The following ABLIM2 variants were observed in gnomAD, a reference collection of about 807,000 sequenced individuals.
The protein encoded by ABLIM2 is actin-binding LIM protein 2.
In ABLIM2, 53 loss-of-function variants were observed where a neutral mutation model predicts 97.7. The ratio of observed to expected loss-of-function variants is 0.54; its 90% confidence interval spans 0.44 to 0.68. The LOEUF is 0.68. Ranked by LOEUF, ABLIM2 falls within the 30% of genes least tolerant of loss-of-function variation. The pLI, the probability that ABLIM2 is intolerant of heterozygous loss-of-function variation, is 0.00. For missense variants in ABLIM2, 835 were observed against 867.2 expected (o/e 0.96, Z 0.47); for synonymous variants, 361 against 345.8 (o/e 1.04, Z -0.49).
chr4:8,006,260 G>A (rs1761223983), intron 16 of ABLIM2, among the ~76,000 whole-genome samples: 1 of 152,186 alleles, frequency 6.6e-6, no homozygotes, highest in Non-Finnish European at 1.5e-5. Flanking sequence ...CTCTAGTCCG[G>A]CTTCTCCCAC....
At chr4:8,136,667 C>T (rs564945707) in intron 1 of ABLIM2, among the ~76,000 whole-genome samples, 2 of 152,324 alleles carry the variant, frequency 1.3e-5, no homozygotes, top group South Asian at 4.1e-4. Flanking sequence ...GCCAACAGCA[C>T]CACTGTCTGA....
intron 4 of ABLIM2, among the ~76,000 whole-genome samples, chr4:8,081,095 G>A (rs1307245947): frequency 1.3e-5 from 2 of 151,988 alleles, no homozygotes; most frequent in East Asian, 1.9e-4. Context: ...GCAGGAGAGC[G>A]GAGTTGGCTC....
chr4:8,056,521 A>C (rs1296165209), intron 7 of ABLIM2, among the ~76,000 whole-genome samples: 1 of 151,856 alleles, frequency 6.6e-6, no homozygotes, highest in Non-Finnish European at 1.5e-5. Flanking sequence ...GGCTGGTCTC[A>C]AACTCCTGGG....
At position 8,010,715 on chromosome 4, in the gene ABLIM2, C is replaced by T. The variant is rs999822833; in HGVS notation, c.1424-1613G>A. Reference sequence around the variant, plus strand: ...CTCCCCACTCACAGAGGCAAATCAACGCCAAGCCTGCTCAAGAAGCGCTTA... The same window carrying T: ...CTCCCCACTCACAGAGGCAAATCAATGCCAAGCCTGCTCAAGAAGCGCTTA... On this transcript the variant is annotated intron_variant, in intron 14 of 20. Transcript: ENST00000447017. 3.2e-5 allele frequency: 17 copies of T among 532,452 alleles called. No individual in the cohort carries two copies. In the East Asian group the frequency reaches 4.5e-4, roughly 14 times the overall value. 33.0% of individuals were successfully genotyped at this position (532,452 alleles called of 1,614,324 possible). A position where few individuals can be genotyped will look rare whatever the true frequency, so the allele number is the denominator to read the frequency against.
At chr4:7,991,449 G>T (rs1252515591) in intron 17 of ABLIM2, among the ~76,000 whole-genome samples, 1 of 152,230 alleles carries the variant, frequency 6.6e-6, no homozygotes, top group Non-Finnish European at 1.5e-5. Context: ...TCAGAGAACA[G>T]CTGTTCCAGG....
At position 8,147,884 on chromosome 4, in the gene ABLIM2, T is replaced by C. The variant is rs1485862541; in HGVS notation, c.10+10796A>G. Among the ~76,000 whole-genome samples the C allele has an allele frequency of 1.3e-5, 2 of 152,238 alleles. No individual in the cohort carries two copies. The highest frequency in any genetic ancestry group is 4.8e-5 in the African/African-American group (2 of 41,472). On this transcript the variant is annotated intron_variant, in intron 1 of 20. Transcript: ENST00000447017. The surrounding 1 kb of genome is among the most constrained non-coding windows in gnomAD (Gnocchi z 5.3). Reference sequence around the variant, plus strand: ...TTTGCCCAGCACTCTGGTTGTGCCATCTTCCCTGAGCGAGGCACGGACCTG... The same window carrying C: ...TTTGCCCAGCACTCTGGTTGTGCCACCTTCCCTGAGCGAGGCACGGACCTG...
intron 3 of ABLIM2, among the ~76,000 whole-genome samples, chr4:8,096,288 T>C (rs1831531852): frequency 6.6e-6 from 1 of 152,252 alleles, no homozygotes; most frequent in Non-Finnish European, 1.5e-5. Flanking sequence ...GTGACTCCAA[T>C]GCGACCAGGG....
At chr4:8,101,220 G>C (rs1029430856) in intron 2 of ABLIM2, among the ~76,000 whole-genome samples, 1 of 152,238 alleles carries the variant, frequency 6.6e-6, no homozygotes, top group Non-Finnish European at 1.5e-5. Flanking sequence ...GCAGCTCCGA[G>C]TCTTGGCCCA....
In ABLIM2 at chr4:8,032,134, C is replaced by T. The variant is rs2385906; in HGVS notation, c.1048-2358G>A. On this transcript the variant is annotated intron_variant, in intron 10 of 20. Coordinates refer to ENST00000447017, the MANE Select transcript of ABLIM2 (RefSeq NM_001130083.2). The surrounding 1 kb of genome is among the most constrained non-coding windows in gnomAD (Gnocchi z 4.3). The stretch of plus-strand genomic sequence containing the variant: ...ATGACACCTTTCTGCTGTGGCCACC[C>T]GTGCGGCCGCACAGACTGCAGTCTG... 0.74 allele frequency among the ~76,000 whole-genome samples: 111,661 copies of T among 151,298 alleles called. 41,301 individuals carry two copies. Among genetic ancestry groups the T allele is most frequent in the Middle Eastern group, 0.79 (233 of 294 alleles).
chr4:8,152,478 A>G (rs1400476341), intron 1 of ABLIM2, among the ~76,000 whole-genome samples: 3 of 152,224 alleles, frequency 2.0e-5, no homozygotes, highest in African/African-American at 7.2e-5. Context: ...GCACTTGATG[A>G]GCCGCAGTCT....
Position 8,122,980 on chromosome 4 carries a change from C to T in ABLIM2, c.11-16343G>A, listed in dbSNP as rs901094742. On this transcript the variant is annotated intron_variant, in intron 1 of 20. Coordinates refer to ENST00000447017, the MANE Select transcript of ABLIM2 (RefSeq NM_001130083.2). This position sits in a 1 kb window ranked among gnomAD's most constrained non-coding sequence, Gnocchi z 4.1. Reference sequence around the variant, plus strand: ...ACCTGACCAGTGTGGGACGTCTTCCCGGAGGTCGTGCCTGCCTCCCCTGGC... The same window carrying T: ...ACCTGACCAGTGTGGGACGTCTTCCTGGAGGTCGTGCCTGCCTCCCCTGGC... Among the ~76,000 whole-genome samples the T allele has an allele frequency of 1.3e-5, 2 of 152,132 alleles. No homozygotes were observed. Among genetic ancestry groups the T allele is most frequent in the Non-Finnish European group, 2.9e-5 (2 of 68,024 alleles).
chr4:8,131,861 G>A (rs34027881), intron 1 of ABLIM2, among the ~76,000 whole-genome samples: 71,902 of 105,716 alleles, frequency 0.68, 26,134 homozygotes, highest in Middle Eastern at 0.76. Context: ...ACAGCAGCCC[G>A]CATCCCCTGC....
intron 16 of ABLIM2, among the ~76,000 whole-genome samples, chr4:8,006,519 C>T (rs142789440): frequency 3.9e-5 from 6 of 152,320 alleles, no homozygotes; most frequent in Middle Eastern, 3.4e-3. Flanking sequence ...GCCTTGATGC[C>T]GGGACACTGA....
In ABLIM2 at chr4:8,150,234, A is replaced by G. The variant is rs1307802420; in HGVS notation, c.10+8446T>C. Among the ~76,000 whole-genome samples the G allele has an allele frequency of 1.3e-5, 2 of 152,208 alleles. No homozygotes were observed. The highest frequency in any genetic ancestry group is 2.9e-5 in the Non-Finnish European group (2 of 68,034). On this transcript the variant is annotated intron_variant, in intron 1 of 20. Coordinates refer to ENST00000447017, the MANE Select transcript of ABLIM2 (RefSeq NM_001130083.2). This position sits in a 1 kb window ranked among gnomAD's most constrained non-coding sequence, Gnocchi z 6.3. The stretch of plus-strand genomic sequence containing the variant: ...ATTTTCCATGTGCGATCCCGGGGAC[A>G]CTGAGGTCTGCAGAAGCAGAGGGTC...
intron 2 of ABLIM2, among the ~76,000 whole-genome samples, chr4:8,103,562 G>C (rs1045770862): frequency 1.3e-5 from 2 of 152,220 alleles, no homozygotes; most frequent in Non-Finnish European, 2.9e-5. Flanking sequence ...CACTGGGCCT[G>C]CCCTCAGACC....
rs1447011447 is a variant in ABLIM2, at chr4:8,015,418, C to A, written c.1423+4200G>T. On this transcript the variant is annotated intron_variant, in intron 14 of 20. Transcript: ENST00000447017. This position sits in a 1 kb window ranked among gnomAD's most constrained non-coding sequence, Gnocchi z 4.6. ...TCAGTGGGGGCTTCCCAGTGCAATC[C>A]GCACTCTGGACACAGCCTGCCGTTC... 6.6e-6 allele frequency among the ~76,000 whole-genome samples: 1 copy of A among 152,038 alleles called. No homozygotes were observed. The highest frequency in any genetic ancestry group is 1.5e-5 in the Non-Finnish European group (1 of 67,980).
intron 17 of ABLIM2, among the ~76,000 whole-genome samples, chr4:7,989,072 C>CTTTTTTTTTTTT (rs71175445): frequency 3.7e-5 from 3 of 81,330 alleles, no homozygotes; most frequent in Non-Finnish European, 6.7e-5. Flanking sequence ...ACACATTAGT[C>CTTTTTTTTTTTT]TTTTTTTTTT....
intron 3 of ABLIM2, among the ~76,000 whole-genome samples, chr4:8,090,441 T>A (rs548167464): frequency 6.6e-6 from 1 of 152,364 alleles, no homozygotes; most frequent in Admixed American, 6.5e-5. Flanking sequence ...TCTGGCTTAT[T>A]GCCTGGACCT....
intron 20 of ABLIM2, among the ~76,000 whole-genome samples, chr4:7,977,469 T>G (rs1439392370): frequency 6.6e-6 from 1 of 152,196 alleles, no homozygotes; most frequent in Non-Finnish European, 1.5e-5. Context: ...GGAACCACAT[T>G]CCCAGTGGGC....
Sources: allele counts gnomAD v4.1 joint callset (sites outside exome capture counted in the v4.1 genomes callset), GRCh38; gene constraint gnomAD v4.1.1; non-coding constraint Gnocchi (gnomAD v3.1); transcripts MANE v1.5; gene names NCBI Gene and HGNC (gene_info 2026-07-23, HGNC 2026-07-21).